The following MAP3K20 variants were observed in gnomAD, a reference collection of about 807,000 sequenced individuals.
MAP3K20 encodes the protein mitogen-activated protein kinase kinase kinase 20, also known as HCCS-4.
Under a neutral mutation model 85.7 loss-of-function variants are expected in MAP3K20, and 40 were observed. That is an observed-to-expected ratio of 0.47 (90% CI 0.36 to 0.61). The LOEUF (loss-of-function observed/expected upper bound fraction) is 0.61. Among genes scored for constraint, MAP3K20 ranks in the 20% least tolerant of loss-of-function variants. The pLI is 0.00. For missense variants in MAP3K20, 817 were observed against 961.7 expected, an observed-to-expected ratio of 0.85 and a Z score of 1.99; for synonymous variants, 325 against 327.7, an observed-to-expected ratio of 0.99 and a Z score of 0.09.
intron 2 of MAP3K20, among the ~76,000 whole-genome samples, chr2:173,137,210 A>G (rs969378948): frequency 6.6e-6 from 1 of 152,218 alleles, no homozygotes. Flanking sequence ...AAATGTCACA[A>G]TGACTTACCT....
At chr2:173,223,509 T>C in intron 11 of MAP3K20, 2 of 985,412 alleles carry the variant, frequency 2.0e-6, no homozygotes, top group Non-Finnish European at 2.4e-6. Flanking sequence ...TCTGGAAAGC[T>C]ATCAGTTTCA....
intron 7 of MAP3K20, among the ~76,000 whole-genome samples, chr2:173,195,188 TAA>T (rs34601946): frequency 0.1 from 12,332 of 122,746 alleles, 1,110 homozygotes; most frequent in East Asian, 0.57. Context: ...AGCCTCTCTT[TAA>T]AAAAAAAAAA....
At chr2:173,190,849 A>G (rs368976240) in intron 5 of MAP3K20, 46 bp from the exon 6 acceptor site, 29 of 1,525,298 alleles carry the variant, frequency 1.9e-5, no homozygotes, top group African/African-American at 4.2e-5. Flanking sequence ...AGACAGCTCA[A>G]ACAAATTAGA....
chr2:173,202,504 A>C (rs536357039), intron 8 of MAP3K20, among the ~76,000 whole-genome samples: 2 of 152,286 alleles, frequency 1.3e-5, no homozygotes, highest in East Asian at 1.9e-4. Flanking sequence ...ACTCCATCAC[A>C]CCCAATGCTC....
chr2:173,221,586 G>A (rs1684253109), intron 11 of MAP3K20: 3 of 1,447,242 alleles, frequency 2.1e-6, no homozygotes, highest in Non-Finnish European at 2.7e-6. Flanking sequence ...AAAGTAACTT[G>A]TTTATCTCAG....
chr2:173,125,105 C>T (rs1688404536), intron 2 of MAP3K20, among the ~76,000 whole-genome samples: 1 of 152,192 alleles, frequency 6.6e-6, no homozygotes, highest in African/African-American at 2.4e-5. Context: ...AACTGAGAGG[C>T]AGTTAATCCA....
At chr2:173,129,966 G>A (rs1443511387) in intron 2 of MAP3K20, among the ~76,000 whole-genome samples, 4 of 152,094 alleles carry the variant, frequency 2.6e-5, no homozygotes, top group African/African-American at 9.7e-5. Flanking sequence ...TAAGGACTTG[G>A]GAAATCAATA....
At chr2:173,250,818 T>TA (rs1020824780) in intron 16 of MAP3K20, among the ~76,000 whole-genome samples, 57 of 151,138 alleles carry the variant, frequency 3.8e-4, no homozygotes, top group South Asian at 1.7e-3. Context: ...TCTTTTTGGT[T>TA]AAAAAAAAAC....
In MAP3K20 at chr2:173,125,805, G is replaced by C. The variant is rs546524323; in HGVS notation, c.159+34615G>C. ...AGTCTCCTGAGTAGCTGGGACTAAA[G>C]ATGCCTGCCACCACGCCCGGCTAAT... On this transcript the variant is annotated intron_variant, in intron 2 of 19. Transcript: ENST00000375213. Among the ~76,000 whole-genome samples the C allele has an allele frequency of 1.6e-4, 25 of 152,228 alleles. 1 individual carries two copies. In the Middle Eastern group the frequency reaches 0.014, roughly 83 times the overall value.
chr2:173,085,343 G>T (rs1435929026), intron 1 of MAP3K20, among the ~76,000 whole-genome samples: 1 of 152,180 alleles, frequency 6.6e-6, no homozygotes, highest in African/African-American at 2.4e-5. Flanking sequence ...AGAAACTTAA[G>T]TCTATTTTTT....
At chr2:173,256,480 AATAGATAG>A (rs56269594) in intron 16 of MAP3K20, among the ~76,000 whole-genome samples, 4,423 of 149,294 alleles carry the variant, frequency 0.03, 154 homozygotes, top group African/African-American at 0.076. Context: ...AATTTAAAAA[AATAGATAG>A]ATAGATAGAT....
chr2:173,223,733 A>G (rs776014585), intron 11 of MAP3K20: 1 of 985,444 alleles, frequency 1.0e-6, no homozygotes, highest in Non-Finnish European at 1.2e-6. Context: ...CCACATACCC[A>G]TGCTACTAGT....
chr2:173,154,309 G>A (rs1242638483), intron 2 of MAP3K20, among the ~76,000 whole-genome samples: 10 of 152,008 alleles, frequency 6.6e-5, no homozygotes, highest in East Asian at 1.9e-4. Flanking sequence ...TCAGCCTCCC[G>A]AGTAGTTTGG....
intron 11 of MAP3K20, chr2:173,223,588 A>C: frequency 2.0e-6 from 2 of 985,484 alleles, no homozygotes; most frequent in Non-Finnish European, 2.4e-6. Context: ...TAAAGAGAAC[A>C]TGCTTAGAAT....
intron 1 of MAP3K20, among the ~76,000 whole-genome samples, chr2:173,077,483 A>G (rs1258249322): frequency 2.0e-5 from 3 of 151,664 alleles, no homozygotes; most frequent in Non-Finnish European, 4.4e-5. Flanking sequence ...GAGATTTAGG[A>G]GATTGTAAAT....
intron 16 of MAP3K20, among the ~76,000 whole-genome samples, chr2:173,256,514 T>TAGACAGACAGACAGACAGAC (rs1247379365): frequency 1.1e-4 from 5 of 44,990 alleles, no homozygotes; most frequent in South Asian, 1.3e-3. Flanking sequence ...GATAGATAGA[T>TAGACAGACAGACAGACAGAC]AGATAGATAG....
At chr2:173,215,338 C>CT (rs1219193402) in intron 10 of MAP3K20, among the ~76,000 whole-genome samples, 1 of 152,084 alleles carries the variant, frequency 6.6e-6, no homozygotes, top group African/African-American at 2.4e-5. Flanking sequence ...TCACTCTTTT[C>CT]TTTTTTTGTG....
chr2:173,085,813 T>TTG (rs1687129547), intron 1 of MAP3K20, among the ~76,000 whole-genome samples: 1 of 146,844 alleles, frequency 6.8e-6, no homozygotes, highest in African/African-American at 2.5e-5. Context: ...TTTTTTTTTT[T>TTG]GAGATAGAGC....
Position 173,266,540 on chromosome 2 carries a change from G to GA in MAP3K20, c.2194dup (p.Arg732LysfsTer20). ...ATCCTCACCAGTCGCCTGACTTCAA[G>GA]AGAAGCCCCAGGGACCTCCACCAAC... On this transcript the variant is annotated frameshift_variant, in exon 20 of 20. Transcript: ENST00000375213. LOFTEE classifies it low-confidence loss of function (END_TRUNC). 6.2e-7 allele frequency: 1 copy of GA among 1,613,894 alleles called. No individual in the cohort carries two copies.
Sources: allele counts gnomAD v4.1 joint callset (sites outside exome capture counted in the v4.1 genomes callset), GRCh38; gene constraint gnomAD v4.1.1; transcripts MANE v1.5; gene names NCBI Gene and HGNC (gene_info 2026-07-23, HGNC 2026-07-21).